The following CMPK1 variants were observed in gnomAD, a reference collection of about 807,000 sequenced individuals.
CMPK1 encodes UMP-CMP kinase.
CMPK1 carries 10 observed loss-of-function variants against 25.7 expected under a neutral mutation model. The ratio of observed to expected loss-of-function variants is 0.39; its 90% CI spans 0.24 to 0.66. The LOEUF is 0.66. CMPK1 is among the 30% of genes least tolerant of loss of function. The pLI, the probability that CMPK1 is intolerant of heterozygous loss-of-function variation, is 0.48. For missense variants in CMPK1, 199 were observed against 280.5 expected, an observed-to-expected ratio of 0.71 and a Z score of 2.08; for synonymous variants, 106 against 101.5, an observed-to-expected ratio of 1.04 and a Z score of -0.27.
intron 1 of CMPK1, among the ~76,000 whole-genome samples, chr1:47,363,469 C>CA (rs1646617351): frequency 6.6e-6 from 1 of 151,206 alleles, no homozygotes; most frequent in African/African-American, 2.4e-5. Flanking sequence ...ACTAAACATA[C>CA]AAAAAAATTT....
intron 1 of CMPK1, among the ~76,000 whole-genome samples, chr1:47,341,043 TAAGAACTTGGAGGAGGGG>T (rs1279579906): frequency 2.0e-5 from 3 of 152,216 alleles, no homozygotes; most frequent in African/African-American, 7.2e-5. Context: ...GGATTTTTGT[TAAGAACTTGGAGGAGGGG>T]AGATCTTCAG....
chr1:47,350,238 C>T (rs763599997), intron 1 of CMPK1, among the ~76,000 whole-genome samples: 1 of 152,022 alleles, frequency 6.6e-6, no homozygotes, highest in Non-Finnish European at 1.5e-5. Flanking sequence ...CATGCTCCAC[C>T]TACTGTTTTT....
intron 5 of CMPK1, among the ~76,000 whole-genome samples, chr1:47,376,462 C>G (rs1390182454): frequency 1.3e-5 from 2 of 151,984 alleles, no homozygotes; most frequent in Non-Finnish European, 2.9e-5. Context: ...ATTACAGGTG[C>G]CCGCCACCAC....
chr1:47,337,209 G>A (rs944007132), intron 1 of CMPK1, among the ~76,000 whole-genome samples: 6 of 152,198 alleles, frequency 3.9e-5, no homozygotes, highest in African/African-American at 1.4e-4. Flanking sequence ...CATGAACCGG[G>A]GAGGCGGAGC....
rs1009229520 is a variant in CMPK1 at position 47,358,386 on chromosome 1, T to G, written c.172-10083T>G. On this transcript the variant is annotated intron_variant, in intron 1 of 5. Coordinates refer to ENST00000371873, the MANE Select transcript of CMPK1 (RefSeq NM_016308.3). Reference sequence around the variant, plus strand: ...TCTTGACCTTCCAAAGTGCTGAGATTACAGGCATGAGCCACAGTGCGTAGT... The same window carrying G: ...TCTTGACCTTCCAAAGTGCTGAGATGACAGGCATGAGCCACAGTGCGTAGT... 3.9e-6 allele frequency: 5 copies of G among 1,273,476 alleles called. No individual in the cohort carries two copies. In the African/African-American group the frequency reaches 6.1e-5, roughly 16 times the overall value. The allele number at this position is 1,273,476 out of a possible 1,614,324, so 78.9% of individuals were successfully genotyped here. A position where few individuals can be genotyped will look rare whatever the true frequency, so the allele number is the denominator to read the frequency against.
At chr1:47,359,393 T>C (rs1200177462) in intron 1 of CMPK1, among the ~76,000 whole-genome samples, 6 of 127,104 alleles carry the variant, frequency 4.7e-5, no homozygotes, top group Middle Eastern at 3.5e-3. Flanking sequence ...TTTCTTTTTT[T>C]TTTTTTTTTT....
In CMPK1 at chr1:47,333,903, C is replaced by T; in HGVS notation, c.-43C>T. The T allele has an allele frequency of 8.1e-7, 1 of 1,231,694 alleles. No homozygotes were observed. The highest frequency in any genetic ancestry group is 1.0e-6 in the Non-Finnish European group (1 of 978,160). The allele number at this position is 1,231,694 out of a possible 1,614,324, so 76.3% of individuals were successfully genotyped here. On this transcript the variant is annotated 5_prime_UTR_variant, in exon 1 of 6. Transcript: ENST00000371873. ...CTCCCCGCCCCGCCCCGCGCCGCGCCGGCCGCTGTCAGCTCCCTCAGCGTC... is the reference window on the plus strand; with the variant it reads ...CTCCCCGCCCCGCCCCGCGCCGCGCTGGCCGCTGTCAGCTCCCTCAGCGTC...
Position 47,352,968 on chromosome 1 carries a change from C to T in CMPK1, c.172-15501C>T, listed in dbSNP as rs550157518. ...AAATTTAAAAAAAATTACTACTTTT[C>T]AAGCCAAATGATGATTTCTCTCACA... On this transcript the variant is annotated intron_variant, in intron 1 of 5. Transcript: ENST00000371873. Among the ~76,000 whole-genome samples the T allele has an allele frequency of 1.9e-4, 29 of 152,278 alleles. No homozygotes were observed. In the South Asian group the frequency reaches 5.8e-3, roughly 30 times the overall value.
intron 1 of CMPK1, among the ~76,000 whole-genome samples, chr1:47,366,175 G>A (rs552711284): frequency 6.6e-6 from 1 of 152,300 alleles, no homozygotes; most frequent in East Asian, 1.9e-4. Context: ...GACAGAGCAA[G>A]ACCCTGTCTG....
chr1:47,335,025 G>GA (rs1417448921), intron 1 of CMPK1, among the ~76,000 whole-genome samples: 12 of 152,050 alleles, frequency 7.9e-5, no homozygotes, highest in Admixed American at 2.0e-4. Flanking sequence ...GACACTGTGG[G>GA]AAAAAAAGGC....
Position 47,365,793 on chromosome 1 carries a change from C to T in CMPK1, c.172-2676C>T, listed in dbSNP as rs557294124. On this transcript the variant is annotated intron_variant, in intron 1 of 5. Coordinates refer to ENST00000371873, the MANE Select transcript of CMPK1 (RefSeq NM_016308.3). ...TCCCTCCAAATCTTAGTGCATGATC[C>T]GTAAAGGTTATTGAATTGTTTTTCA... 3.3e-5 allele frequency among the ~76,000 whole-genome samples: 5 copies of T among 152,056 alleles called. No individual in the cohort carries two copies. In the South Asian group the frequency reaches 6.2e-4, roughly 19 times the overall value.
intron 1 of CMPK1, among the ~76,000 whole-genome samples, chr1:47,360,278 G>A (rs187407485): frequency 2.8e-4 from 42 of 152,134 alleles, no homozygotes; most frequent in African/African-American, 9.4e-4. Flanking sequence ...TGGCTGAGAT[G>A]AATTAAAAGA....
In CMPK1 at chr1:47,366,004, G is replaced by T. The variant is rs140710886; in HGVS notation, c.172-2465G>T. On this transcript the variant is annotated intron_variant, in intron 1 of 5. Transcript: ENST00000371873. Reference sequence around the variant, plus strand: ...AGGTTAGGAGTTCGAGACCAGCCTGGCCAACATGGTAAAACCCCATCTCTA... The same window carrying T: ...AGGTTAGGAGTTCGAGACCAGCCTGTCCAACATGGTAAAACCCCATCTCTA... Among the ~76,000 whole-genome samples the T allele has an allele frequency of 7.9e-5, 12 of 152,186 alleles. No individual in the cohort carries two copies. The East Asian group carries it at 2.3e-3, about 29-fold the overall frequency.
Position 47,375,206 on chromosome 1 carries a change from C to T in CMPK1, c.558C>T (p.Thr186=), listed in dbSNP as rs1646699880. 6.2e-7 allele frequency: 1 copy of T among 1,608,190 alleles called. No homozygotes were observed. The highest frequency in any genetic ancestry group is 8.5e-7 in the Non-Finnish European group (1 of 1,177,490). ...NRESLEKRIQ[T]YLQSTKPIID... is the part of the protein sequence containing the mutation. ...TTTACTTCTTTTGCAGAATTCAGAC[C>T]TACCTTCAGTCAACAAAGCCAATTA... The change falls in exon 5 of 6, where the codon ACC becomes ACT. Residue 186 remains threonine (T), a synonymous_variant. Coordinates refer to ENST00000371873, the MANE Select transcript of CMPK1 (RefSeq NM_016308.3).
intron 1 of CMPK1, 37 bp from the exon 2 acceptor site, chr1:47,368,432 T>G (rs780641351): frequency 1.3e-6 from 2 of 1,551,606 alleles, no homozygotes; most frequent in Non-Finnish European, 1.7e-6. Flanking sequence ...CTGGGTTGAA[T>G]GAATTCTGAT....
At chr1:47,348,125 C>T (rs1037867497) in intron 1 of CMPK1, among the ~76,000 whole-genome samples, 3 of 152,096 alleles carry the variant, frequency 2.0e-5, no homozygotes, top group South Asian at 2.1e-4. Context: ...AGTATTTTAA[C>T]GGGTAGCTTT....
intron 1 of CMPK1, among the ~76,000 whole-genome samples, chr1:47,348,126 G>A (rs899445853): frequency 2.6e-5 from 4 of 152,134 alleles, no homozygotes; most frequent in African/African-American, 4.8e-5. Flanking sequence ...GTATTTTAAC[G>A]GGTAGCTTTC....
chr1:47,341,306 G>A (rs1162455034), intron 1 of CMPK1, among the ~76,000 whole-genome samples: 2 of 152,140 alleles, frequency 1.3e-5, no homozygotes, highest in Non-Finnish European at 1.5e-5. Flanking sequence ...TTTGCTGACT[G>A]TATCATAGAT....
chr1:47,340,304 C>CA (rs749595776), intron 1 of CMPK1, among the ~76,000 whole-genome samples: 1,977 of 123,564 alleles, frequency 0.016, 14 homozygotes, highest in Non-Finnish European at 0.02. Flanking sequence ...GACTCCGTCT[C>CA]AAAAAAAAAA....
Sources: allele counts gnomAD v4.1 joint callset (sites outside exome capture counted in the v4.1 genomes callset), GRCh38; gene constraint gnomAD v4.1.1; transcripts MANE v1.5; gene names NCBI Gene and HGNC (gene_info 2026-07-23, HGNC 2026-07-21).